The following SMC2 variants were observed in gnomAD, a reference collection of about 807,000 sequenced individuals.
The protein encoded by SMC2 is structural maintenance of chromosomes protein 2.
In SMC2, 41 loss-of-function variants were observed where a neutral mutation model predicts 142.6. The observed-to-expected ratio is 0.29, with a 90% CI of 0.22 to 0.37. The LOEUF (loss-of-function observed/expected upper bound fraction) is 0.37, where lower values mean the gene tolerates loss of function less well. SMC2 is among the 10% of genes least tolerant of loss of function. SMC2 has a pLI of 1.00. For missense variants in SMC2, 1,265 were observed against 1,373.7 expected, an observed-to-expected ratio of 0.92 and a Z score of 1.25; for synonymous variants, 463 against 457.5, an observed-to-expected ratio of 1.01 and a Z score of -0.15.
intron 17 of SMC2, among the ~76,000 whole-genome samples, chr9:104,124,049 A>G (rs1290827975): frequency 6.6e-6 from 1 of 152,186 alleles, no homozygotes; most frequent in Non-Finnish European, 1.5e-5. Context: ...AACACTCACA[A>G]TATACATCAG....
chr9:104,100,269 A>G, intron 6 of SMC2, 66 bp downstream of exon 6: 1 of 1,399,988 alleles, frequency 7.1e-7, no homozygotes, highest in South Asian at 1.3e-5. Context: ...TTTTTGCTGT[A>G]AAGAGGGAAA....
intron 9 of SMC2, among the ~76,000 whole-genome samples, chr9:104,105,516 A>C (rs1045241869): frequency 6.6e-6 from 1 of 152,122 alleles, no homozygotes; most frequent in Non-Finnish European, 1.5e-5. Context: ...ATAGTTACAT[A>C]AGTTCAATTT....
At chr9:104,095,262 C>T (rs1830326448) in intron 1 of SMC2, 62 bp from the exon 2 acceptor site, 1 of 745,688 alleles carries the variant, frequency 1.3e-6, no homozygotes. Flanking sequence ...GTTTTTGCCT[C>T]GTGTTCATTA....
chr9:104,124,579 C>G (rs1376432398), intron 17 of SMC2, among the ~76,000 whole-genome samples: 2 of 150,554 alleles, frequency 1.3e-5, no homozygotes, highest in South Asian at 4.2e-4. Context: ...TTATACTGTT[C>G]TGGTTTTAGG....
intron 20 of SMC2, among the ~76,000 whole-genome samples, chr9:104,128,458 T>C (rs1834559154): frequency 6.6e-6 from 1 of 152,164 alleles, no homozygotes; most frequent in Non-Finnish European, 1.5e-5. Context: ...AGGAGGGACT[T>C]GCAAGTGGGT....
intron 20 of SMC2, among the ~76,000 whole-genome samples, chr9:104,128,895 G>A (rs1458915501): frequency 6.6e-6 from 1 of 152,088 alleles, no homozygotes; most frequent in African/African-American, 2.4e-5. Flanking sequence ...AAAATTATTA[G>A]GTCTCAGTCA....
chr9:104,137,583 T>G (rs1475244808), intron 23 of SMC2, among the ~76,000 whole-genome samples: 2 of 152,194 alleles, frequency 1.3e-5, no homozygotes, highest in African/African-American at 4.8e-5. Flanking sequence ...TGTAAGTGTT[T>G]ACATTATGAA....
At chr9:104,097,530 G>A (rs7028408) in intron 3 of SMC2, among the ~76,000 whole-genome samples, 76,788 of 143,000 alleles carry the variant, frequency 0.54, 21,238 homozygotes, top group African/African-American at 0.58. Flanking sequence ...AAAAAAAGAA[G>A]CGTAGGCCAC....
rs145137546 is a variant in SMC2 at position 104,138,948 on chromosome 9, G to T, written c.3418-191G>T. On this transcript the variant is annotated intron_variant, in intron 24 of 24. Coordinates refer to ENST00000374793, the MANE Select transcript of SMC2 (RefSeq NM_006444.3). ...AACCACCAGGAAATAGTAAAATTGG[G>T]TAATGAAGTACCCAAAGTAAAATTA... Among the ~76,000 whole-genome samples the T allele has an allele frequency of 1.8e-3, 278 of 152,112 alleles. 6 individuals are homozygous for T. The East Asian group carries it at 0.041, about 22-fold the overall frequency.
In SMC2 at chr9:104,095,443, TCAATGGTTTTGA is replaced by T. The variant is rs759941098; in HGVS notation, c.61_72del (p.Asn21_Asp24del). The T allele has an allele frequency of 6.2e-7, 1 of 1,613,890 alleles. No homozygotes were observed. Among genetic ancestry groups the T allele is most frequent in the Non-Finnish European group, 8.5e-7 (1 of 1,179,878 alleles). On this transcript the variant is annotated inframe_deletion, in exon 2 of 25. Transcript: ENST00000374793. Reference sequence around the variant, plus strand: ...AAGTCCTATGCTCAGAGGACCGAAGTCAATGGTTTTGACCCCCTCTTCAATGCTATCACTGGC... The same window carrying T: ...AAGTCCTATGCTCAGAGGACCGAAGTCCCCCTCTTCAATGCTATCACTGGC...
At position 104,100,189 on chromosome 9, in the gene SMC2, A is replaced by G; in HGVS notation, c.577A>G (p.Lys193Glu). The change falls in exon 6 of 25, where the codon AAA (lysine) becomes GAA (glutamate). Residue 193 changes from lysine to glutamate, a missense_variant. Lys to Glu is a moderately conservative substitution (Grantham distance 56). Coordinates refer to ENST00000374793, the MANE Select transcript of SMC2 (RefSeq NM_006444.3). ...TATAGAAAAAAAGGAGGCTAAGCTG[A>G]AAGAAATTAAGACGGTAATTTAATT... ...KTIEKKEAKL[K>E]EIKTILEEEI... is the part of the protein sequence containing the mutation. 6.5e-7 allele frequency: 1 copy of G among 1,548,968 alleles called. No homozygotes were observed. Among genetic ancestry groups the G allele is most frequent in the South Asian group, 1.2e-5 (1 of 82,628 alleles).
chr9:104,126,447 C>CTT (rs200351466), intron 18 of SMC2, among the ~76,000 whole-genome samples, 194 bp from the exon 19 acceptor site: 3 of 149,854 alleles, frequency 2.0e-5, no homozygotes, highest in African/African-American at 7.3e-5. Context: ...ATTACACATA[C>CTT]TTTTTTTTTT....
chr9:104,132,092 GA>G lies in SMC2; in HGVS notation c.3080del (p.Asn1027ThrfsTer4). 6.3e-7 allele frequency: 1 copy of G among 1,595,514 alleles called. No homozygotes were observed. Among genetic ancestry groups the G allele is most frequent in the Non-Finnish European group, 8.5e-7 (1 of 1,170,722 alleles). ...LTTIEDLDQK[K>X]NQALNIAWQK... is the part of the protein sequence containing the mutation. Reference sequence around the variant, plus strand: ...CAACTATAGAAGACCTTGACCAGAAGAAAAACCAAGCCCTAAATATTGCATG... The same window carrying G: ...CAACTATAGAAGACCTTGACCAGAAGAAAACCAAGCCCTAAATATTGCATG... On this transcript the variant is annotated frameshift_variant, in exon 22 of 25. Coordinates refer to ENST00000374793, the MANE Select transcript of SMC2 (RefSeq NM_006444.3). LOFTEE classifies it high-confidence loss of function.
chr9:104,090,738 T>A (rs1034270520), upstream of SMC2, among the ~76,000 whole-genome samples: 3 of 151,750 alleles, frequency 2.0e-5, no homozygotes, highest in African/African-American at 7.3e-5. Context: ...AACAAAACCA[T>A]CCCACTGAAG....
chr9:104,127,432 C>T lies in SMC2; in HGVS notation c.2742C>T (p.Asp914=). 1 of 1,613,190 alleles carries T rather than the reference C, an allele frequency of 6.2e-7. No homozygotes were observed. Among genetic ancestry groups the T allele is most frequent in the Non-Finnish European group, 8.5e-7 (1 of 1,179,480 alleles). ...CTCAGCTTAAAATTAAGGAATTAGA[C>T]CACAACATCAGCAAACATAAACGGG... ...NDSQLKIKEL[D]HNISKHKREA... The change falls in exon 20 of 25, where the codon GAC becomes GAT. Residue 914 remains aspartate, a synonymous_variant. Coordinates refer to ENST00000374793, the MANE Select transcript of SMC2 (RefSeq NM_006444.3).
intron 10 of SMC2, among the ~76,000 whole-genome samples, chr9:104,112,357 A>G (rs1429940414): frequency 6.6e-6 from 1 of 152,198 alleles, no homozygotes; most frequent in African/African-American, 2.4e-5. Flanking sequence ...TCAGTCTATT[A>G]TAATGTTTCT....
At chr9:104,115,580 A>T (rs188474386) in intron 13 of SMC2, among the ~76,000 whole-genome samples, 1,549 of 150,160 alleles carry the variant, frequency 0.01, 73 homozygotes, top group Admixed American at 0.079. Flanking sequence ...GGAAGACTGT[A>T]TCTCAAAAAA....
At chr9:104,134,682 T>A in intron 23 of SMC2, 107 bp downstream of exon 23, 1 of 740,888 alleles carries the variant, frequency 1.3e-6, no homozygotes, top group Non-Finnish European at 2.1e-6. Context: ...ATGTAGAATT[T>A]AAGGAGTCTA....
At position 104,139,258 on chromosome 9, in the gene SMC2, T is replaced by G. The variant is rs766026185; in HGVS notation, c.3537T>G (p.Ile1179Met). Residue 1179 changes from isoleucine to methionine, a missense_variant, in exon 25 of 25, where the codon ATT (isoleucine) becomes ATG (methionine). By Grantham distance (10) the Ile-to-Met change is conservative. Around this residue, in one of 4 missense-constraint regions of SMC2, gnomAD observed 192 missense variants for 261.9 expected, o/e 0.73. Transcript: ENST00000374793. ...ARFTQCQNGKISKEAKSKAKP... is the reference protein window; with the variant it reads ...ARFTQCQNGKMSKEAKSKAKP... ...TTACTCAATGTCAAAATGGAAAGAT[T>G]TCAAAGGAAGCAAAATCCAAGGCAA... 4.4e-6 allele frequency: 7 copies of G among 1,601,448 alleles called. No individual in the cohort carries two copies. Among genetic ancestry groups the G allele is most frequent in the Non-Finnish European group, 6.0e-6 (7 of 1,175,936 alleles).
Sources: allele counts gnomAD v4.1 joint callset (sites outside exome capture counted in the v4.1 genomes callset), GRCh38; gene constraint gnomAD v4.1.1; regional missense constraint gnomAD v4.1.1; transcripts MANE v1.5; gene names NCBI Gene and HGNC (gene_info 2026-07-23, HGNC 2026-07-21).